Variants in NIBAN1 observed in about 807,000 individuals in gnomAD.
NIBAN1 encodes the protein protein Niban 1.
A neutral mutation model predicts 75.1 loss-of-function variants in NIBAN1; 81 were observed. The ratio of observed to expected loss-of-function variants is 1.08; its 90% CI spans 0.90 to 1.30. The LOEUF (loss-of-function observed/expected upper bound fraction) is 1.30, where lower values mean the gene tolerates loss of function less well. NIBAN1 is among the 50% of genes most tolerant of loss of function. The pLI is 0.00. For synonymous variants in NIBAN1, 436 were observed against 424.8 expected (o/e 1.03, Z -0.32); for missense variants, 1,133 against 1,128.1 (o/e 1.00, Z -0.06).
rs750978876 is a variant in NIBAN1, at chr1:184,795,319, GA to G, written c.2444del (p.Leu815ProfsTer32). 2.5e-4 allele frequency: 398 copies of G among 1,611,438 alleles called. 1 individual carries two copies. The highest frequency in any genetic ancestry group is 3.2e-4 in the Non-Finnish European group (374 of 1,179,296). ...CAGTGAGTGTGCAGGCCTCTCCTGG[GA>G]GCTCCCCCTCCATGGGCCCCAGGGG... ...EEPLGPMEGE[L>X]PGEACTLTAH... On this transcript the variant is annotated frameshift_variant, in exon 14 of 14. Transcript: ENST00000367511. LOFTEE classifies it low-confidence loss of function (END_TRUNC).
At chr1:184,833,994 G>T (rs2102240494) in intron 5 of NIBAN1, among the ~76,000 whole-genome samples, 1 of 151,778 alleles carries the variant, frequency 6.6e-6, no homozygotes, top group Admixed American at 6.6e-5. Flanking sequence ...TTCTCCTAAT[G>T]TTATCCCTCC....
At chr1:184,940,326 C>T (rs991564357) in intron 1 of NIBAN1, among the ~76,000 whole-genome samples, 9 of 152,134 alleles carry the variant, frequency 5.9e-5, no homozygotes, top group Non-Finnish European at 1.2e-4. Context: ...CTAGTTTTAA[C>T]AAATCAGTGA....
At chr1:184,867,570 T>C (rs1274037703) in intron 5 of NIBAN1, among the ~76,000 whole-genome samples, 1 of 152,230 alleles carries the variant, frequency 6.6e-6, no homozygotes, top group Non-Finnish European at 1.5e-5. Context: ...AGGTGTGTGA[T>C]AAGGTTACAT....
intron 5 of NIBAN1, chr1:184,868,449 T>G (rs1656014227): frequency 1.3e-5 from 2 of 152,188 alleles, no homozygotes; most frequent in Admixed American, 6.5e-5. Flanking sequence ...TCCCACAAAA[T>G]TATTCTCAGC....
At position 184,948,351 on chromosome 1, in the gene NIBAN1, A is replaced by G. The variant is rs1488949701; in HGVS notation, c.55+25951T>C. Among the ~76,000 whole-genome samples, 4 of 152,174 alleles carry G rather than the reference A, an allele frequency of 2.6e-5. No individual in the cohort carries two copies. The East Asian group carries it at 5.8e-4, about 22-fold the overall frequency. ...AATAGGACAGATATCCTGGAACACA[A>G]AAAGGGTAGGAAAATGAATAAGATA... On this transcript the variant is annotated intron_variant, in intron 1 of 13. Coordinates refer to ENST00000367511, the MANE Select transcript of NIBAN1 (RefSeq NM_052966.4).
chr1:184,860,709 G>C (rs934420862), intron 5 of NIBAN1, among the ~76,000 whole-genome samples: 4 of 152,204 alleles, frequency 2.6e-5, no homozygotes, highest in Non-Finnish European at 1.5e-5. Context: ...ATGAGAGTGA[G>C]TAACACAGAT....
At chr1:184,857,115 G>A (rs1655697609) in intron 5 of NIBAN1, among the ~76,000 whole-genome samples, 1 of 152,216 alleles carries the variant, frequency 6.6e-6, no homozygotes, top group African/African-American at 2.4e-5. Context: ...TATATTAGGT[G>A]CAGACATAAA....
intron 1 of NIBAN1, among the ~76,000 whole-genome samples, chr1:184,962,248 A>C (rs191991246): frequency 1.3e-5 from 2 of 152,080 alleles, no homozygotes; most frequent in Admixed American, 1.3e-4. Context: ...GATTTTAAAA[A>C]CAGTTTGTTC....
chr1:184,831,028 C>T (rs1300894822), intron 6 of NIBAN1, among the ~76,000 whole-genome samples: 3 of 151,622 alleles, frequency 2.0e-5, no homozygotes, highest in Non-Finnish European at 4.4e-5. Context: ...TCTTAAATAC[C>T]GTGTTACTTT....
chr1:184,827,432 G>T (rs534606248), intron 6 of NIBAN1, among the ~76,000 whole-genome samples: 1 of 151,858 alleles, frequency 6.6e-6, no homozygotes. Flanking sequence ...GAGTCTTAAG[G>T]TCTTGGGCTT....
intron 5 of NIBAN1, among the ~76,000 whole-genome samples, chr1:184,837,800 T>C (rs1270575231): frequency 6.6e-6 from 1 of 152,180 alleles, no homozygotes. Context: ...CAGAACAAAA[T>C]AGACAAGTTT....
At position 184,847,062 on chromosome 1, in the gene NIBAN1, C is replaced by T. The variant is rs1438066118; in HGVS notation, c.602-15100G>A. ...TGGAAAACATTCTGCAGGATATTAT[C>T]CAGGAGAACTTCCCCAATCTAGCAA... On this transcript the variant is annotated intron_variant, in intron 5 of 13. Coordinates refer to ENST00000367511, the MANE Select transcript of NIBAN1 (RefSeq NM_052966.4). Among the ~76,000 whole-genome samples, 2 of 78,002 alleles carry T rather than the reference C, an allele frequency of 2.6e-5. 1 individual carries two copies. The highest frequency in any genetic ancestry group is 1.4e-4 in the African/African-American group (2 of 14,460). The allele number at this position is 78,002 out of a possible 152,430, so 51.2% of individuals were successfully genotyped here.
chr1:184,929,875 ACAT>A (rs1485471773), intron 1 of NIBAN1, among the ~76,000 whole-genome samples: 1 of 152,226 alleles, frequency 6.6e-6, no homozygotes, highest in African/African-American at 2.4e-5. Context: ...GATGCTGTAA[ACAT>A]CACATTTCAT....
rs546864987 is a variant in NIBAN1 at position 184,858,251 on chromosome 1, G to A, written c.602-26289C>T. Among the ~76,000 whole-genome samples, 138 of 151,938 alleles carry A rather than the reference G, an allele frequency of 9.1e-4. 1 individual carries two copies. The highest frequency in any genetic ancestry group is 1.2e-3 in the Non-Finnish European group (80 of 67,960). The stretch of plus-strand genomic sequence containing the variant: ...ATTACCAACAAGAGAACAAGAAAAA[G>A]AAGGAAGGAATGAATGACAATGAAA... On this transcript the variant is annotated intron_variant, in intron 5 of 13. Transcript: ENST00000367511.
intron 5 of NIBAN1, among the ~76,000 whole-genome samples, chr1:184,860,038 A>G (rs184423283): frequency 2.0e-5 from 3 of 152,318 alleles, no homozygotes; most frequent in Admixed American, 2.0e-4. Context: ...TGTCCATGCA[A>G]GGACCGTAGA....
At chr1:184,860,538 G>A (rs1439508280) in intron 5 of NIBAN1, among the ~76,000 whole-genome samples, 1 of 152,046 alleles carries the variant, frequency 6.6e-6, no homozygotes, top group Non-Finnish European at 1.5e-5. Context: ...AAAATATTTT[G>A]TATCTTAAAA....
chr1:184,882,639 G>A (rs1028299677), intron 5 of NIBAN1, among the ~76,000 whole-genome samples: 1 of 152,136 alleles, frequency 6.6e-6, no homozygotes, highest in Non-Finnish European at 1.5e-5. Context: ...TTCCATAAAT[G>A]GAGTCTAAAT....
At chr1:184,886,528 T>C (rs1009374080) in intron 4 of NIBAN1, among the ~76,000 whole-genome samples, 1 of 152,196 alleles carries the variant, frequency 6.6e-6, no homozygotes, top group Non-Finnish European at 1.5e-5. Context: ...ACCTCTTCCC[T>C]CAAAATCAAT....
rs1332859836 is a variant in NIBAN1 at position 184,873,071 on chromosome 1, A to C, written c.601+11562T>G. On this transcript the variant is annotated intron_variant, in intron 5 of 13. Transcript: ENST00000367511. ...ATGGAAGCCAGAAGATCATGAAACA[A>C]AATATTCAATGTGGTGACAGGAAAA... Among the ~76,000 whole-genome samples the C allele has an allele frequency of 2.0e-5, 3 of 152,248 alleles. 1 individual carries two copies. The highest frequency in any genetic ancestry group is 2.0e-4 in the Admixed American group (3 of 15,288).
Sources: allele counts gnomAD v4.1 joint callset (sites outside exome capture counted in the v4.1 genomes callset), GRCh38; gene constraint gnomAD v4.1.1; transcripts MANE v1.5; gene names NCBI Gene and HGNC (gene_info 2026-07-23, HGNC 2026-07-21).